PCDHGA1: variants seen among roughly 807,000 people sequenced by gnomAD.
The protein encoded by PCDHGA1 is protocadherin gamma-A1.
Under a neutral mutation model 58.0 loss-of-function variants are expected in PCDHGA1, and 32 were observed. The ratio of observed to expected loss-of-function variants is 0.55; its 90% CI spans 0.42 to 0.74. The LOEUF (loss-of-function observed/expected upper bound fraction) is 0.74. PCDHGA1 is among the 30% of genes least tolerant of loss of function. The pLI is 0.00. For missense variants in PCDHGA1, 1,205 were observed against 1,182.3 expected (o/e 1.02, Z -0.28); for synonymous variants, 498 against 501.1 (o/e 0.99, Z 0.08).
At chr5:141,404,615 C>T in intron 1 of PCDHGA1, 5 of 1,614,122 alleles carry the variant, frequency 3.1e-6, no homozygotes, top group Non-Finnish European at 4.2e-6. Flanking sequence ...TGTTTTGGAC[C>T]AGAATGACAA....
chr5:141,364,604 C>T lies in PCDHGA1; in HGVS notation c.2421+31499C>T. On this transcript the variant is annotated intron_variant, in intron 1 of 3. Transcript: ENST00000517417. ...CTTGGTCACCGCGGGCAGGATAGAC[C>T]GGGAGGAGCTCTGCGCTCAGAGCCC... 6.2e-7 allele frequency: 1 copy of T among 1,614,162 alleles called. No homozygotes were observed. Among genetic ancestry groups the T allele is most frequent in the Non-Finnish European group, 8.5e-7 (1 of 1,179,996 alleles).
chr5:141,443,849 T>A (rs1233479391), intron 1 of PCDHGA1, among the ~76,000 whole-genome samples: 2 of 152,136 alleles, frequency 1.3e-5, no homozygotes, highest in Admixed American at 1.3e-4. Flanking sequence ...ATATGGAAAG[T>A]CTGAAAACTG....
intron 1 of PCDHGA1, among the ~76,000 whole-genome samples, chr5:141,425,068 A>G (rs1484760901): frequency 6.6e-6 from 1 of 152,174 alleles, no homozygotes; most frequent in African/African-American, 2.4e-5. Context: ...GGACAAAAAT[A>G]ATTTCAACTG....
At chr5:141,398,450 C>T in intron 1 of PCDHGA1, 1 of 1,574,388 alleles carries the variant, frequency 6.4e-7, no homozygotes, top group East Asian at 2.2e-5. Flanking sequence ...GAATTTGAGG[C>T]TGTTGCTGAA....
Position 141,489,956 on chromosome 5 carries a change from C to CTCCAACCT in PCDHGA1, c.2422-4845_2422-4838dup, listed in dbSNP as rs1176419823. Reference sequence around the variant, plus strand: ...ATCGTGCTGGACATCAATGATAATGCTCCAACCTTCCAATCCTCAGTTCTA... The same window carrying CTCCAACCT: ...ATCGTGCTGGACATCAATGATAATGCTCCAACCTTCCAACCTTCCAATCCTCAGTTCTA... On this transcript the variant is annotated intron_variant, in intron 1 of 3. Coordinates refer to ENST00000517417, the MANE Select transcript of PCDHGA1 (RefSeq NM_018912.3). The surrounding 1 kb of genome is among the most constrained non-coding windows in gnomAD (Gnocchi z 4.5). 16 of 1,614,012 alleles carry CTCCAACCT rather than the reference C, an allele frequency of 9.9e-6. No individual in the cohort carries two copies. The highest frequency in any genetic ancestry group is 1.4e-5 in the Non-Finnish European group (16 of 1,179,974).
rs1312691474 is a variant in PCDHGA1, at chr5:141,362,295, G to C, written c.2421+29190G>C. The C allele has an allele frequency of 6.2e-6, 10 of 1,614,062 alleles. No homozygotes were observed. The East Asian group carries it at 2.2e-4, about 36-fold the overall frequency. On this transcript the variant is annotated intron_variant, in intron 1 of 3. Coordinates refer to ENST00000517417, the MANE Select transcript of PCDHGA1 (RefSeq NM_018912.3). ...CCCTGCGCCTGCGACTCTCTTCCAG[G>C]TCAGATGCTTGGGACTGTTTTCAGC...
intron 1 of PCDHGA1, chr5:141,421,067 T>G: frequency 1.4e-5 from 8 of 591,772 alleles, no homozygotes; most frequent in Non-Finnish European, 2.3e-5. Flanking sequence ...CAAAGCGGAA[T>G]GAGATGGATA....
intron 1 of PCDHGA1, chr5:141,390,863 T>C (rs1292623547): frequency 6.6e-6 from 1 of 150,928 alleles, no homozygotes. Flanking sequence ...GTACGCTGTG[T>C]GTGCGTGTGT....
At chr5:141,361,019 A>G (rs753179923) in intron 1 of PCDHGA1, 1 of 1,613,326 alleles carries the variant, frequency 6.2e-7, no homozygotes, top group East Asian at 2.2e-5. Flanking sequence ...TTCAACTTAA[A>G]TGAAAAAACA....
intron 1 of PCDHGA1, chr5:141,378,932 C>T (rs1274056612): frequency 1.2e-4 from 18 of 152,100 alleles, no homozygotes; most frequent in Admixed American, 1.2e-3. Context: ...AAGTTGATGG[C>T]CCTGGAATGA....
chr5:141,457,270 T>C (rs1338894991), intron 1 of PCDHGA1, among the ~76,000 whole-genome samples: 2 of 152,234 alleles, frequency 1.3e-5, no homozygotes. Flanking sequence ...TTCCCCTCTG[T>C]GGGCCTACGA....
chr5:141,485,118 G>C lies in PCDHGA1; in HGVS notation c.2422-9689G>C, dbSNP rs547390669. 1 of 1,331,536 alleles carries C rather than the reference G, an allele frequency of 7.5e-7. No homozygotes were observed. Among genetic ancestry groups the C allele is most frequent in the East Asian group, 2.3e-5 (1 of 43,534 alleles). The allele number at this position is 1,331,536 out of a possible 1,614,324, so 82.5% of individuals were successfully genotyped here. On this transcript the variant is annotated intron_variant, in intron 1 of 3. Coordinates refer to ENST00000517417, the MANE Select transcript of PCDHGA1 (RefSeq NM_018912.3). The surrounding 1 kb of genome is among the most constrained non-coding windows in gnomAD (Gnocchi z 5.7). ...TCTCCAGCTGCTGTGGCTGTTTGGG[G>C]CGGGTCGGCTTCATCCGCGTCTCAG...
intron 1 of PCDHGA1, chr5:141,397,974 C>T: frequency 1.7e-6 from 2 of 1,174,456 alleles, no homozygotes; most frequent in Non-Finnish European, 1.2e-6. Context: ...TCCCCAGCGC[C>T]GGCCTTTACA....
At chr5:141,347,052 CTCCTTCCT>C (rs751921344) in intron 1 of PCDHGA1, among the ~76,000 whole-genome samples, 2 of 140,260 alleles carry the variant, frequency 1.4e-5, no homozygotes, top group African/African-American at 5.4e-5. Context: ...TCTCTCTTTC[CTCCTTCCT>C]TCCTTCCTTC....
intron 1 of PCDHGA1, chr5:141,345,913 G>T (rs771512073): frequency 6.2e-7 from 1 of 1,613,122 alleles, no homozygotes; most frequent in Non-Finnish European, 8.5e-7. Flanking sequence ...GGCGAGGTGC[G>T]CACGGCGCGA....
In PCDHGA1 at chr5:141,487,414, T is replaced by C; in HGVS notation, c.2422-7393T>C. On this transcript the variant is annotated intron_variant, in intron 1 of 3. Coordinates refer to ENST00000517417, the MANE Select transcript of PCDHGA1 (RefSeq NM_018912.3). This position sits in a 1 kb window ranked among gnomAD's most constrained non-coding sequence, Gnocchi z 5.0. The stretch of plus-strand genomic sequence containing the variant: ...GGAGGGAGGGGCTTCCCCCTTCCAA[T>C]GGGATCCTCCGAATCCAGCTAGGGT... 3.7e-6 allele frequency: 6 copies of C among 1,614,174 alleles called. No individual in the cohort carries two copies. The highest frequency in any genetic ancestry group is 5.1e-6 in the Non-Finnish European group (6 of 1,180,006).
chr5:141,477,268 C>T lies in PCDHGA1; in HGVS notation c.2422-17539C>T. ...TGACTGACCTGGATGCTGGCGAGAA[C>T]GGGCTGGTGACCTGCGAAGTTCCAC... On this transcript the variant is annotated intron_variant, in intron 1 of 3. Transcript: ENST00000517417. The surrounding 1 kb of genome is among the most constrained non-coding windows in gnomAD (Gnocchi z 4.9). The T allele has an allele frequency of 6.2e-7, 1 of 1,614,196 alleles. No individual in the cohort carries two copies. The highest frequency in any genetic ancestry group is 8.5e-7 in the Non-Finnish European group (1 of 1,180,030).
At chr5:141,423,508 A>G (rs962526072) in intron 1 of PCDHGA1, 2 of 1,613,860 alleles carry the variant, frequency 1.2e-6, no homozygotes, top group African/African-American at 2.7e-5. Context: ...GGTCTCTCTC[A>G]TTGCGGACTC....
chr5:141,431,698 ATT>A lies in PCDHGA1; in HGVS notation c.2422-63108_2422-63107del. The A allele has an allele frequency of 6.2e-7, 1 of 1,614,222 alleles. No homozygotes were observed. Among genetic ancestry groups the A allele is most frequent in the South Asian group, 1.1e-5 (1 of 91,090 alleles). ...GGGAGTTGGACCACGAGGAGTCAGG[ATT>A]CTACCAGATGGAAGTGCAAGCAATG... On this transcript the variant is annotated intron_variant, in intron 1 of 3. Transcript: ENST00000517417. The surrounding 1 kb of genome is among the most constrained non-coding windows in gnomAD (Gnocchi z 4.8).
Sources: allele counts gnomAD v4.1 joint callset (sites outside exome capture counted in the v4.1 genomes callset), GRCh38; gene constraint gnomAD v4.1.1; non-coding constraint Gnocchi (gnomAD v3.1); transcripts MANE v1.5; gene names NCBI Gene and HGNC (gene_info 2026-07-23, HGNC 2026-07-21).